TBC1D4: variants seen among roughly 807,000 people sequenced by gnomAD.
TBC1D4 encodes the protein TBC (Tre-2, BUB2, CDC16) domain-containing protein.
Under a neutral mutation model 142.5 loss-of-function variants are expected in TBC1D4, and 121 were observed. That is an observed-to-expected ratio of 0.85 (90% CI 0.73 to 0.99). TBC1D4 has a LOEUF of 0.99. Among genes scored for constraint, TBC1D4 ranks in the 50% least tolerant of loss-of-function variants. The pLI, the probability that TBC1D4 is intolerant of heterozygous loss-of-function variation, is 0.00. For synonymous variants in TBC1D4, 630 were observed against 628.2 expected, an observed-to-expected ratio of 1.00 and a Z score of -0.04; for missense variants, 1,475 against 1,606.6, an observed-to-expected ratio of 0.92 and a Z score of 1.40.
At chr13:75,308,598 T>C (rs1877414464) in intron 14 of TBC1D4, among the ~76,000 whole-genome samples, 1 of 152,198 alleles carries the variant, frequency 6.6e-6, no homozygotes, top group African/African-American at 2.4e-5. Context: ...TATTTGTACA[T>C]ACTCCCAAGT....
intron 2 of TBC1D4, 85 bp downstream of exon 2, chr13:75,361,941 G>A (rs1882556147): frequency 1.4e-6 from 2 of 1,443,272 alleles, no homozygotes; most frequent in Non-Finnish European, 1.9e-6. Flanking sequence ...GTTATATAGA[G>A]GTGGAGCTGG....
intron 4 of TBC1D4, among the ~76,000 whole-genome samples, chr13:75,354,377 C>G (rs981928468): frequency 6.6e-6 from 1 of 152,108 alleles, no homozygotes; most frequent in Non-Finnish European, 1.5e-5. Flanking sequence ...GACATTAACA[C>G]AAGGGCCCAA....
At chr13:75,451,853 C>CATTT (rs1887546903) in intron 1 of TBC1D4, among the ~76,000 whole-genome samples, 1 of 151,082 alleles carries the variant, frequency 6.6e-6, no homozygotes, top group African/African-American at 2.4e-5. Flanking sequence ...TTAAAAGGAG[C>CATTT]ATTTAACCAA....
chr13:75,449,284 T>A (rs1887429015), intron 1 of TBC1D4, among the ~76,000 whole-genome samples: 1 of 151,910 alleles, frequency 6.6e-6, no homozygotes, highest in Admixed American at 6.6e-5. Flanking sequence ...ATATATATAT[T>A]GAACCATATG....
intron 1 of TBC1D4, among the ~76,000 whole-genome samples, chr13:75,371,710 C>T (rs1428790589): frequency 6.6e-6 from 1 of 152,150 alleles, no homozygotes; most frequent in East Asian, 1.9e-4. Context: ...TTAGGTAAAA[C>T]TCAGGAATCA....
chr13:75,336,498 A>C (rs1451999528), intron 8 of TBC1D4, among the ~76,000 whole-genome samples: 1 of 152,242 alleles, frequency 6.6e-6, no homozygotes, highest in Non-Finnish European at 1.5e-5. Flanking sequence ...ACTTGAGGTC[A>C]GGAGTTTGAG....
intron 1 of TBC1D4, among the ~76,000 whole-genome samples, chr13:75,420,752 T>C (rs2138118059): frequency 6.6e-6 from 1 of 152,218 alleles, no homozygotes; most frequent in East Asian, 1.9e-4. Flanking sequence ...ACACCAAATG[T>C]AGTGGGGTAC....
At chr13:75,443,329 G>T (rs115159082) in intron 1 of TBC1D4, among the ~76,000 whole-genome samples, 1 of 152,168 alleles carries the variant, frequency 6.6e-6, no homozygotes, top group Non-Finnish European at 1.5e-5. Flanking sequence ...TCATGTGTTT[G>T]AGTATTTTTG....
At chr13:75,327,084 T>C (rs187224775) in intron 9 of TBC1D4, among the ~76,000 whole-genome samples, 16 of 152,078 alleles carry the variant, frequency 1.1e-4, no homozygotes, top group African/African-American at 3.6e-4. Context: ...TCATATTGCA[T>C]GGGTAGAAAT....
chr13:75,381,995 C>G (rs1883879067), intron 1 of TBC1D4, among the ~76,000 whole-genome samples: 1 of 152,160 alleles, frequency 6.6e-6, no homozygotes, highest in African/African-American at 2.4e-5. Context: ...GAGTTGAACA[C>G]TAGGAAACCC....
chr13:75,289,349 C>T (rs959177334), intron 19 of TBC1D4, among the ~76,000 whole-genome samples: 1 of 151,918 alleles, frequency 6.6e-6, no homozygotes. Context: ...AAAAACAGAA[C>T]AGATAGATTA....
At chr13:75,327,524 T>C (rs934027064) in intron 9 of TBC1D4, among the ~76,000 whole-genome samples, 4 of 152,206 alleles carry the variant, frequency 2.6e-5, no homozygotes, top group South Asian at 4.1e-4. Context: ...GTCCAAAGCA[T>C]ACTATCTCCA....
intron 12 of TBC1D4, among the ~76,000 whole-genome samples, chr13:75,317,929 C>T (rs548898317): frequency 6.6e-6 from 1 of 152,122 alleles, no homozygotes; most frequent in African/African-American, 2.4e-5. Flanking sequence ...TTTCCAAGTC[C>T]TTTGTATATA....
chr13:75,368,381 T>C (rs1165673093), intron 1 of TBC1D4, among the ~76,000 whole-genome samples: 3 of 152,228 alleles, frequency 2.0e-5, no homozygotes, highest in Admixed American at 6.5e-5. Context: ...ACCAGAGTCA[T>C]ACAAGTAGCT....
chr13:75,410,711 C>T (rs1416564664), intron 1 of TBC1D4, among the ~76,000 whole-genome samples: 2 of 151,670 alleles, frequency 1.3e-5, no homozygotes, highest in Non-Finnish European at 2.9e-5. Flanking sequence ...CCGAGGCGGG[C>T]GGATCACGAG....
At chr13:75,330,481 G>T (rs1879656455) in intron 8 of TBC1D4, among the ~76,000 whole-genome samples, 1 of 152,140 alleles carries the variant, frequency 6.6e-6, no homozygotes, top group Admixed American at 6.6e-5. Context: ...CACTGCATTA[G>T]CTCACTTAAT....
intron 20 of TBC1D4, among the ~76,000 whole-genome samples, chr13:75,287,576 C>T (rs138687468): frequency 2.2e-3 from 331 of 152,256 alleles, no homozygotes; most frequent in African/African-American, 7.2e-3. Flanking sequence ...AATAATTAAT[C>T]GCCATTGACC....
intron 11 of TBC1D4, among the ~76,000 whole-genome samples, chr13:75,323,109 C>T (rs1878921234): frequency 6.6e-6 from 1 of 151,946 alleles, no homozygotes; most frequent in African/African-American, 2.4e-5. Context: ...TGAGTGCTAC[C>T]TAGTTATATA....
intron 2 of TBC1D4, among the ~76,000 whole-genome samples, chr13:75,361,681 AC>A (rs1189695448): frequency 1.3e-5 from 2 of 152,216 alleles, no homozygotes; most frequent in Non-Finnish European, 2.9e-5. Context: ...CGCCGGGCCT[AC>A]AATTTTTTTT....
Sources: allele counts gnomAD v4.1 joint callset (sites outside exome capture counted in the v4.1 genomes callset), GRCh38; gene constraint gnomAD v4.1.1; transcripts MANE v1.5; gene names NCBI Gene and HGNC (gene_info 2026-07-23, HGNC 2026-07-21).